Variants in TSHZ2 observed in about 807,000 individuals in gnomAD.
The protein encoded by TSHZ2 is teashirt zinc finger homeobox 2.
In TSHZ2, 21 loss-of-function variants were observed where a neutral mutation model predicts 74.4. The ratio of observed to expected loss-of-function variants is 0.28; its 90% CI spans 0.20 to 0.41. The LOEUF (loss-of-function observed/expected upper bound fraction) is 0.41. Among genes scored for constraint, TSHZ2 ranks in the 10% least tolerant of loss-of-function variants. The pLI is 1.00. For missense variants in TSHZ2, 1,244 were observed against 1,293.5 expected (o/e 0.96, Z 0.59); for synonymous variants, 540 against 515.3 (o/e 1.05, Z -0.65).
intron 2 of TSHZ2, among the ~76,000 whole-genome samples, chr20:53,269,745 T>C (rs1331582909): frequency 2.0e-5 from 3 of 151,628 alleles, no homozygotes; most frequent in African/African-American, 7.3e-5. Flanking sequence ...CATGTATACA[T>C]ATGTAACTAA....
At chr20:53,194,157 C>G (rs181691290) in intron 1 of TSHZ2, among the ~76,000 whole-genome samples, 1 of 152,300 alleles carries the variant, frequency 6.6e-6, no homozygotes, top group East Asian at 1.9e-4. Context: ...GATTCTTGAC[C>G]AGTTCCCCGA....
At position 53,492,316 on chromosome 20, in the gene TSHZ2, AAGTAC is replaced by A. The variant is rs1986471073; in HGVS notation, c.*5184_*5188del. ...TTATAGATGTGTATGTATATTTTTT[AAGTAC>A]AGAAAGTTCAGCCAGTCTTCAGAGA... On this transcript the variant is annotated 3_prime_UTR_variant, in exon 3 of 3. Coordinates refer to ENST00000371497, the MANE Select transcript of TSHZ2 (RefSeq NM_173485.6). 6.6e-6 allele frequency: 1 copy of A among 152,214 alleles called. No homozygotes were observed. Among genetic ancestry groups the A allele is most frequent in the Non-Finnish European group, 1.5e-5 (1 of 68,024 alleles). 9.4% of individuals were successfully genotyped at this position (152,214 alleles called of 1,614,324 possible). A position where few individuals can be genotyped will look rare whatever the true frequency, so the allele number is the denominator to read the frequency against.
intron 2 of TSHZ2, among the ~76,000 whole-genome samples, chr20:53,341,710 G>A (rs1056499046): frequency 6.6e-6 from 1 of 151,886 alleles, no homozygotes; most frequent in Non-Finnish European, 1.5e-5. Flanking sequence ...TGCTTTGTGG[G>A]GCAGGGGGGT....
At chr20:53,057,970 G>C (rs1984696234) in intron 1 of TSHZ2, among the ~76,000 whole-genome samples, 1 of 152,180 alleles carries the variant, frequency 6.6e-6, no homozygotes, top group Non-Finnish European at 1.5e-5. Context: ...CCGGGAACCA[G>C]TTTCATGGAG....
chr20:53,203,525 G>C (rs1193271067), intron 1 of TSHZ2, among the ~76,000 whole-genome samples: 1 of 151,992 alleles, frequency 6.6e-6, no homozygotes, highest in Non-Finnish European at 1.5e-5. Context: ...ACAGGGGCCA[G>C]GCTGGTGTGG....
At chr20:53,113,355 C>T (rs1037437252) in intron 1 of TSHZ2, among the ~76,000 whole-genome samples, 5 of 152,112 alleles carry the variant, frequency 3.3e-5, no homozygotes, top group African/African-American at 7.2e-5. Flanking sequence ...CTTCGTTGTT[C>T]GTTAGCCCAC....
chr20:53,300,766 A>G (rs1317521516), intron 2 of TSHZ2, among the ~76,000 whole-genome samples: 3 of 152,178 alleles, frequency 2.0e-5, no homozygotes, highest in Non-Finnish European at 4.4e-5. Context: ...CTAACTGCTG[A>G]AACCAGGGAG....
chr20:53,186,372 C>A (rs1600730104), intron 1 of TSHZ2, among the ~76,000 whole-genome samples: 1 of 152,222 alleles, frequency 6.6e-6, no homozygotes, highest in Non-Finnish European at 1.5e-5. Context: ...TGCCTGAAGA[C>A]TTTTCTACAA....
chr20:53,255,712 G>A lies in TSHZ2; in HGVS notation c.2254G>A (p.Val752Met), dbSNP rs147000485. ...LSPASTRSAS[V>M]SRRYLFENSD... Reference sequence around the variant, plus strand: ...TCCTGCCTCCACAAGGTCAGCCAGCGTGTCCAGGCGCTACCTGTTTGAGAA... The same window carrying A: ...TCCTGCCTCCACAAGGTCAGCCAGCATGTCCAGGCGCTACCTGTTTGAGAA... Residue 752 changes from valine to methionine, a missense_variant, in exon 2 of 3, where the codon GTG (valine) becomes ATG (methionine). Physicochemically the swap from Val to Met is conservative, Grantham distance 21. This residue lies in a region of TSHZ2 where 562 missense variants were observed against 544.0 expected (regional missense o/e 1.03). Coordinates refer to ENST00000371497, the MANE Select transcript of TSHZ2 (RefSeq NM_173485.6). The surrounding 1 kb of genome is among the most constrained non-coding windows in gnomAD (Gnocchi z 4.1). The A allele has an allele frequency of 6.2e-5, 99 of 1,605,960 alleles. No individual in the cohort carries two copies. Among genetic ancestry groups the A allele is most frequent in the Middle Eastern group, 1.7e-4 (1 of 6,038 alleles).
At chr20:53,132,505 C>T (rs1987131527) in intron 1 of TSHZ2, among the ~76,000 whole-genome samples, 1 of 152,108 alleles carries the variant, frequency 6.6e-6, no homozygotes, top group Admixed American at 6.5e-5. Context: ...GTCTCAAACT[C>T]CTGACCTCAG....
intron 2 of TSHZ2, among the ~76,000 whole-genome samples, chr20:53,404,558 T>C (rs1982776281): frequency 6.6e-6 from 1 of 152,370 alleles, no homozygotes; most frequent in Admixed American, 6.5e-5. Context: ...CTGGTTTCTT[T>C]TTGACAAATT....
At chr20:53,279,009 A>G (rs879839582) in intron 2 of TSHZ2, among the ~76,000 whole-genome samples, 1 of 152,262 alleles carries the variant, frequency 6.6e-6, no homozygotes, top group Admixed American at 6.5e-5. Context: ...CGTTATATAC[A>G]ATGTTCTTAC....
intron 2 of TSHZ2, among the ~76,000 whole-genome samples, chr20:53,379,101 G>A (rs1981764964): frequency 1.3e-5 from 2 of 152,218 alleles, no homozygotes; most frequent in South Asian, 4.1e-4. Context: ...CCCACAGTAA[G>A]CCAGGCATGG....
intron 2 of TSHZ2, among the ~76,000 whole-genome samples, chr20:53,410,321 C>T (rs184657465): frequency 6.6e-6 from 1 of 152,258 alleles, no homozygotes; most frequent in African/African-American, 2.4e-5. Flanking sequence ...CACCAGCTTC[C>T]TCATCAAACT....
intron 1 of TSHZ2, among the ~76,000 whole-genome samples, chr20:53,059,168 C>T (rs1169273391): frequency 6.6e-6 from 1 of 152,152 alleles, no homozygotes; most frequent in Non-Finnish European, 1.5e-5. Flanking sequence ...ATATTAGATC[C>T]TTCTGCAACA....
intron 1 of TSHZ2, among the ~76,000 whole-genome samples, chr20:53,229,829 A>T (rs1989778173): frequency 6.7e-6 from 1 of 148,826 alleles, no homozygotes; most frequent in Non-Finnish European, 1.5e-5. Flanking sequence ...AAGAGGGAGG[A>T]AGAGAAAGAA....
At position 53,254,924 on chromosome 20, in the gene TSHZ2, A is replaced by G. The variant is rs1990430975; in HGVS notation, c.1466A>G (p.Gln489Arg). Residue 489 changes from glutamine (Q) to arginine (R), a missense_variant, in exon 2 of 3, where the codon CAA becomes CGA. This residue lies in a region of TSHZ2 where 562 missense variants were observed against 544.0 expected (regional missense o/e 1.03). Transcript: ENST00000371497. ...VKSEDYEDPL[Q>R]KPLDPTIKYQ... is the part of the protein sequence containing the mutation. Reference sequence around the variant, plus strand: ...AGCGAGGACTATGAAGATCCTCTACAAAAACCTTTAGACCCTACAATCAAA... The same window carrying G: ...AGCGAGGACTATGAAGATCCTCTACGAAAACCTTTAGACCCTACAATCAAA... 6.2e-7 allele frequency: 1 copy of G among 1,613,872 alleles called. No homozygotes were observed. The highest frequency in any genetic ancestry group is 8.5e-7 in the Non-Finnish European group (1 of 1,179,960).
chr20:53,438,401 G>C (rs965857972), intron 2 of TSHZ2, among the ~76,000 whole-genome samples: 3 of 152,118 alleles, frequency 2.0e-5, no homozygotes, highest in South Asian at 2.1e-4. Flanking sequence ...GCCTGCAAGG[G>C]CATAATTTTC....
rs868634955 is a variant in TSHZ2, at chr20:53,455,829, C to T, written c.*9-31315C>T. On this transcript the variant is annotated intron_variant, in intron 2 of 2. Coordinates refer to ENST00000371497, the MANE Select transcript of TSHZ2 (RefSeq NM_173485.6). ...TGCAGTGTTTGGTTTTTTGTTCTTG[C>T]GATAGTTTACTGAGAATGATGGTTT... Among the ~76,000 whole-genome samples the T allele has an allele frequency of 3.5e-3, 522 of 150,948 alleles. 2 individuals are homozygous for T. Among genetic ancestry groups the T allele is most frequent in the African/African-American group, 6.4e-3 (262 of 41,034 alleles).
Sources: gnomAD v4.1 joint callset for allele counts (sites outside exome capture counted in the v4.1 genomes callset) on GRCh38, gnomAD v4.1.1 for gene constraint, gnomAD v4.1.1 regional missense constraint, Gnocchi (gnomAD v3.1) non-coding constraint, MANE v1.5 for transcripts, NCBI Gene and HGNC (gene_info 2026-07-23, HGNC 2026-07-21) for gene names.